GCAT: variants seen among roughly 807,000 people sequenced by gnomAD.
The protein encoded by GCAT is glycine C-acetyltransferase.
GCAT carries 26 observed loss-of-function variants against 39.7 expected under a neutral mutation model. That is an observed-to-expected ratio of 0.65 (90% CI 0.48 to 0.91). GCAT has a LOEUF of 0.91. GCAT is among the 40% of genes least tolerant of loss of function. The probability of loss-of-function intolerance (pLI) is 0.00; values close to 1 mark genes in which losing one functional copy is unlikely to be tolerated. For missense variants in GCAT, 550 were observed against 576.2 expected (o/e 0.95, Z 0.47); for synonymous variants, 218 against 237.2 (o/e 0.92, Z 0.74).
rs1460211227 is a variant in GCAT, at chr22:37,816,855, G to A, written c.*137G>A. On this transcript the variant is annotated 3_prime_UTR_variant, in exon 9 of 9. Transcript: ENST00000248924. ...TGGGCTGGGACGTGACCTGTGCTGAGGGCTGTGAGAATGTGAAACAACAGT... is the reference window on the plus strand; with the variant it reads ...TGGGCTGGGACGTGACCTGTGCTGAAGGCTGTGAGAATGTGAAACAACAGT... The A allele has an allele frequency of 1.3e-6, 1 of 762,248 alleles. No homozygotes were observed. Among genetic ancestry groups the A allele is most frequent in the South Asian group, 1.7e-5 (1 of 57,738 alleles). The allele number at this position is 762,248 out of a possible 1,614,324, so 47.2% of individuals were successfully genotyped here.
At chr22:37,810,732 G>A (rs1176587956) in intron 2 of GCAT, among the ~76,000 whole-genome samples, 1 of 151,982 alleles carries the variant, frequency 6.6e-6, no homozygotes, top group African/African-American at 2.4e-5. Flanking sequence ...AGCCAGGATG[G>A]TCTCGATCTC....
intron 7 of GCAT, 122 bp from the exon 8 acceptor site, chr22:37,816,078 T>C: frequency 7.9e-7 from 1 of 1,259,050 alleles, no homozygotes; most frequent in Non-Finnish European, 1.1e-6. Flanking sequence ...TCTTAGAGCT[T>C]GTAACTGTCT....
intron 4 of GCAT, among the ~76,000 whole-genome samples, 155 bp downstream of exon 4, chr22:37,813,764 A>C (rs1403759280): frequency 6.6e-6 from 1 of 151,474 alleles, no homozygotes; most frequent in East Asian, 1.9e-4. Context: ...CCAGAGCATT[A>C]TTCTTTTTTT....
rs199661158 is a variant in GCAT, at chr22:37,815,514, T to C, written c.814+14T>C. The stretch of plus-strand genomic sequence containing the variant: ...GTGGAGCATCAGGTACCTGCAAGGT[T>C]GTGTCCCTGGGGTCCCCTTGTCCTT... On this transcript the variant is annotated intron_variant, in intron 6 of 8. Transcript: ENST00000248924. 669 of 1,596,762 alleles carry C rather than the reference T, an allele frequency of 4.2e-4. No individual in the cohort carries two copies. The East Asian group carries it at 0.01, about 24-fold the overall frequency.
chr22:37,812,630 T>G (rs1478559027), intron 2 of GCAT, among the ~76,000 whole-genome samples: 1 of 152,186 alleles, frequency 6.6e-6, no homozygotes, highest in Non-Finnish European at 1.5e-5. Flanking sequence ...CGAGTGCCCG[T>G]AATTCCACCA....
chr22:37,809,212 A>C (rs545534051), intron 1 of GCAT, among the ~76,000 whole-genome samples: 1 of 152,210 alleles, frequency 6.6e-6, no homozygotes, highest in South Asian at 2.1e-4. Context: ...AGGAGACCCA[A>C]GTTCTCATCC....
chr22:37,813,692 G>A, intron 4 of GCAT, 83 bp downstream of exon 4: 1 of 1,308,422 alleles, frequency 7.6e-7, no homozygotes, highest in Non-Finnish European at 1.0e-6. Flanking sequence ...CACTCACAGA[G>A]ATAGCCTGAA....
chr22:37,816,637 A>G lies in GCAT; in HGVS notation c.1179A>G (p.Ser393=), dbSNP rs1453822932. Reference sequence around the variant, plus strand: ...AGGCCCGGATCCGGGTACAGATCTCAGCAGTGCATAGCGAGGAAGACATTG... The same window carrying G: ...AGGCCCGGATCCGGGTACAGATCTCGGCAGTGCATAGCGAGGAAGACATTG... ...KGKARIRVQI[S]AVHSEEDIDR... Residue 393 remains serine (S), a synonymous_variant, in exon 9 of 9, where the codon TCA becomes TCG. Coordinates refer to ENST00000248924, the MANE Select transcript of GCAT (RefSeq NM_014291.4). 1 of 1,614,164 alleles carries G rather than the reference A, an allele frequency of 6.2e-7. No homozygotes were observed. The highest frequency in any genetic ancestry group is 1.1e-5 in the South Asian group (1 of 91,090).
chr22:37,815,560 T>C, intron 6 of GCAT, 60 bp downstream of exon 6: 6 of 1,521,634 alleles, frequency 3.9e-6, no homozygotes, highest in Non-Finnish European at 5.4e-6. Flanking sequence ...CTGGAGGGGC[T>C]CAGGGAAGTG....
In GCAT at chr22:37,807,960, T is replaced by G; in HGVS notation, c.-8T>G. ...GGCAGGCAGGCGCGCTCGGGCGAGG[T>G]AGGAGCGATGTGGCCTGGGAACGCC... On this transcript the variant is annotated 5_prime_UTR_variant, in exon 1 of 9. Transcript: ENST00000248924. 1 of 1,517,658 alleles carries G rather than the reference T, an allele frequency of 6.6e-7. No individual in the cohort carries two copies. The highest frequency in any genetic ancestry group is 8.8e-7 in the Non-Finnish European group (1 of 1,137,802). 94.0% of individuals were successfully genotyped at this position (1,517,658 alleles called of 1,614,324 possible). A position where few individuals can be genotyped will look rare whatever the true frequency, so the allele number is the denominator to read the frequency against.
In GCAT at chr22:37,813,315, G is replaced by A. The variant is rs1179253991; in HGVS notation, c.430-148G>A. On this transcript the variant is annotated intron_variant, in intron 3 of 8. Coordinates refer to ENST00000248924, the MANE Select transcript of GCAT (RefSeq NM_014291.4). ...TCCAGCCCGGCACTGAGACACGGGGGCCCCAGAGAGAAGCACAGAACACCT... is the reference window on the plus strand; with the variant it reads ...TCCAGCCCGGCACTGAGACACGGGGACCCCAGAGAGAAGCACAGAACACCT... 4 of 888,882 alleles carry A rather than the reference G, an allele frequency of 4.5e-6. No individual in the cohort carries two copies. The Admixed American group carries it at 6.0e-5, about 13-fold the overall frequency. 55.1% of individuals were successfully genotyped at this position (888,882 alleles called of 1,614,324 possible).
Position 37,810,082 on chromosome 22 carries a change from G to C in GCAT, c.252G>C (p.Val84=). 1 of 1,614,152 alleles carries C rather than the reference G, an allele frequency of 6.2e-7. No homozygotes were observed. The highest frequency in any genetic ancestry group is 8.5e-7 in the Non-Finnish European group (1 of 1,179,966). The part of the protein sequence containing the change: ...NYLGLSSHPE[V]IQAGLQALEE... ...TGGGCCTGAGCAGCCACCCTGAGGT[G>C]ATCCAGGCAGGTCTGCAGGCTCTGG... Residue 84 remains valine, a synonymous_variant, in exon 2 of 9, where the codon GTG becomes GTC. Transcript: ENST00000248924.
chr22:37,812,751 G>C (rs1921736513), intron 2 of GCAT, 136 bp from the exon 3 acceptor site: 3 of 664,998 alleles, frequency 4.5e-6, no homozygotes, highest in Non-Finnish European at 5.4e-6. Context: ...GATAGCCCAT[G>C]TGTGGCAGAA....
chr22:37,812,528 C>G (rs571779615), intron 2 of GCAT, among the ~76,000 whole-genome samples: 4 of 152,162 alleles, frequency 2.6e-5, no homozygotes, highest in Non-Finnish European at 5.9e-5. Flanking sequence ...CCCAGGTGAA[C>G]CCAGAATTAC....
At chr22:37,809,576 T>C (rs1217206000) in intron 1 of GCAT, among the ~76,000 whole-genome samples, 3 of 152,050 alleles carry the variant, frequency 2.0e-5, no homozygotes, top group South Asian at 4.1e-4. Context: ...TCGTAGCACT[T>C]TGGGAGGCCA....
In GCAT at chr22:37,815,767, T is replaced by A. The variant is rs1474843344; in HGVS notation, c.919T>A (p.Ser307Thr). 3.1e-6 allele frequency: 5 copies of A among 1,613,874 alleles called. No homozygotes were observed. Among genetic ancestry groups the A allele is most frequent in the Admixed American group, 1.7e-5 (1 of 60,008 alleles). ...SLPPAVVGCA[S>T]KALDLLMGSN... ...GCCACCTGCTGTCGTTGGCTGCGCC[T>A]CCAAGGCCCTAGATCTGCTGATGGG... The change falls in exon 7 of 9, where the codon TCC (serine) becomes ACC (threonine). Residue 307 changes from serine to threonine, a missense_variant. By Grantham distance (58) the Ser-to-Thr change is moderately conservative (BLOSUM62 1). Coordinates refer to ENST00000248924, the MANE Select transcript of GCAT (RefSeq NM_014291.4).
intron 3 of GCAT, chr22:37,813,236 G>A (rs1408647473): frequency 2.9e-6 from 2 of 679,954 alleles, no homozygotes; most frequent in East Asian, 2.7e-5. Context: ...GGAGGCGGGG[G>A]CCTGGTACTC....
Position 37,814,373 on chromosome 22 carries a change from C to G in GCAT, c.577-753C>G, listed in dbSNP as rs1229160142. Among the ~76,000 whole-genome samples, 4 of 152,190 alleles carry G rather than the reference C, an allele frequency of 2.6e-5. No homozygotes were observed. The East Asian group carries it at 7.7e-4, about 29-fold the overall frequency. ...CTGCCTCCCAGGTTCAATTGATTCT[C>G]CTGCCTCAGCCTCTGGAGTAGCTGG... On this transcript the variant is annotated intron_variant, in intron 4 of 8. Coordinates refer to ENST00000248924, the MANE Select transcript of GCAT (RefSeq NM_014291.4).
At chr22:37,812,051 C>T (rs1921658711) in intron 2 of GCAT, among the ~76,000 whole-genome samples, 1 of 151,872 alleles carries the variant, frequency 6.6e-6, no homozygotes, top group Non-Finnish European at 1.5e-5. Context: ...TCCATGCTGG[C>T]TGGGCATGGT....
Sources: allele counts gnomAD v4.1 joint callset (sites outside exome capture counted in the v4.1 genomes callset), GRCh38; gene constraint gnomAD v4.1.1; transcripts MANE v1.5; gene names NCBI Gene and HGNC (gene_info 2026-07-23, HGNC 2026-07-21).